Variants in SELENOI observed in about 807,000 individuals in gnomAD.
The protein encoded by SELENOI is ethanolaminephosphotransferase 1.
A neutral mutation model predicts 50.7 loss-of-function variants in SELENOI; 24 were observed. The observed-to-expected ratio is 0.47, with a 90% CI of 0.34 to 0.67. SELENOI has a LOEUF of 0.67. Among genes scored for constraint, SELENOI ranks in the 30% least tolerant of loss-of-function variants. The probability of loss-of-function intolerance (pLI) is 0.01; values close to 1 mark genes in which losing one functional copy is unlikely to be tolerated. For synonymous variants in SELENOI, 155 were observed against 170.2 expected, an observed-to-expected ratio of 0.91 and a Z score of 0.70; for missense variants, 352 against 461.4, an observed-to-expected ratio of 0.76 and a Z score of 2.17.
At chr2:26,362,492 G>A (rs1034781241) in intron 1 of SELENOI, among the ~76,000 whole-genome samples, 1 of 152,136 alleles carries the variant, frequency 6.6e-6, no homozygotes, top group Non-Finnish European at 1.5e-5. Flanking sequence ...CAGGTCTGGT[G>A]GCTCACGCCT....
At chr2:26,377,631 C>CA (rs113537544) in intron 6 of SELENOI, among the ~76,000 whole-genome samples, 157 of 142,574 alleles carry the variant, frequency 1.1e-3, no homozygotes, top group Middle Eastern at 3.5e-3. Context: ...GACCCTGTCT[C>CA]AAAAAAAAAA....
Position 26,389,479 on chromosome 2 carries a change from T to TG in SELENOI, c.*376_*377insG, listed in dbSNP as rs1338717887. ...ATAACACTCAGAAAACCACAGTGTG[T>TG]TTTCATATTTGGAACTTTGTAATAG... On this transcript the variant is annotated 3_prime_UTR_variant, in exon 10 of 10. Coordinates refer to ENST00000260585, the MANE Select transcript of SELENOI (RefSeq NM_033505.4). 1 of 162,824 alleles carries TG rather than the reference T, an allele frequency of 6.1e-6. No homozygotes were observed. The highest frequency in any genetic ancestry group is 1.3e-5 in the Non-Finnish European group (1 of 74,246). 10.1% of individuals were successfully genotyped at this position (162,824 alleles called of 1,614,324 possible).
At chr2:26,380,115 TAC>T (rs1677653903) in intron 6 of SELENOI, among the ~76,000 whole-genome samples, 1 of 152,248 alleles carries the variant, frequency 6.6e-6, no homozygotes, top group Admixed American at 6.5e-5. Context: ...CTTTAAGAAT[TAC>T]TTTCTCTTTT....
intron 6 of SELENOI, 102 bp from the exon 7 acceptor site, chr2:26,383,197 C>G (rs565109740): frequency 1.5e-6 from 1 of 689,174 alleles, no homozygotes; most frequent in South Asian, 2.1e-5. Flanking sequence ...AAACTTGAAC[C>G]TGAAATTTTT....
intron 1 of SELENOI, among the ~76,000 whole-genome samples, chr2:26,362,498 C>T (rs890626940): frequency 1.2e-4 from 19 of 152,018 alleles, no homozygotes; most frequent in African/African-American, 3.9e-4. Context: ...TGGTGGCTCA[C>T]GCCTGTAATC....
chr2:26,357,883 A>G (rs11884137), intron 1 of SELENOI, among the ~76,000 whole-genome samples: 145,614 of 152,208 alleles, frequency 0.96, 69,688 homozygotes, highest in South Asian at 0.99. Flanking sequence ...GGAGGGACCC[A>G]TTCGGAGAAA....
At chr2:26,387,912 C>A (rs143528950) in intron 9 of SELENOI, among the ~76,000 whole-genome samples, 3,221 of 152,180 alleles carry the variant, frequency 0.021, 43 homozygotes, top group South Asian at 0.049. Flanking sequence ...AAAATATCTT[C>A]TGTATTTTCA....
chr2:26,352,859 A>C (rs76296790), intron 1 of SELENOI, among the ~76,000 whole-genome samples: 9 of 151,270 alleles, frequency 5.9e-5, no homozygotes, highest in South Asian at 2.1e-4. Flanking sequence ...AAAAAAAAAA[A>C]CCAGAATATT....
intron 3 of SELENOI, 55 bp downstream of exon 3, chr2:26,364,995 G>A (rs1677258271): frequency 6.3e-6 from 8 of 1,273,296 alleles, no homozygotes; most frequent in Non-Finnish European, 6.5e-6. Context: ...ATGAAATGTG[G>A]ATGCTTATTT....
In SELENOI at chr2:26,395,148, TA is replaced by T. The variant is rs1678062298; in HGVS notation, c.*6047del. The T allele has an allele frequency of 6.6e-6, 1 of 152,250 alleles. No homozygotes were observed. Among genetic ancestry groups the T allele is most frequent in the Admixed American group, 6.5e-5 (1 of 15,292 alleles). The allele number at this position is 152,250 out of a possible 1,614,324, so 9.4% of individuals were successfully genotyped here. ...TGTGTGATGTGTGTGTATGCCTATT[TA>T]ATATGTACACATATATTCACTACAT... On this transcript the variant is annotated 3_prime_UTR_variant, in exon 10 of 10. Coordinates refer to ENST00000260585, the MANE Select transcript of SELENOI (RefSeq NM_033505.4).
intron 6 of SELENOI, among the ~76,000 whole-genome samples, chr2:26,376,651 C>T (rs992289143): frequency 6.6e-6 from 1 of 152,182 alleles, no homozygotes; most frequent in African/African-American, 2.4e-5. Context: ...TTATAATATA[C>T]AGTTTATTTA....
At chr2:26,384,666 T>C (rs1320492058) in intron 7 of SELENOI, among the ~76,000 whole-genome samples, 1 of 152,166 alleles carries the variant, frequency 6.6e-6, no homozygotes, top group Non-Finnish European at 1.5e-5. Flanking sequence ...TTTATATTCT[T>C]AGCACAGCAG....
chr2:26,355,531 G>A (rs1677046064), intron 1 of SELENOI, among the ~76,000 whole-genome samples: 2 of 152,122 alleles, frequency 1.3e-5, no homozygotes, highest in African/African-American at 2.4e-5. Flanking sequence ...TTCTCATCTT[G>A]TTAGAGCTTA....
intron 4 of SELENOI, among the ~76,000 whole-genome samples, chr2:26,368,916 G>A (rs1424214050): frequency 6.6e-6 from 1 of 152,120 alleles, no homozygotes; most frequent in African/African-American, 2.4e-5. Context: ...ATTTGGATAG[G>A]GAGTTTGGGA....
At chr2:26,380,510 G>A (rs1033038943) in intron 6 of SELENOI, among the ~76,000 whole-genome samples, 20 of 152,170 alleles carry the variant, frequency 1.3e-4, no homozygotes, top group African/African-American at 4.6e-4. Flanking sequence ...ATGTACCGTA[G>A]TGTGTCCAAC....
chr2:26,384,247 ATCT>A (rs1235617659), intron 7 of SELENOI, among the ~76,000 whole-genome samples: 4 of 152,312 alleles, frequency 2.6e-5, no homozygotes, highest in African/African-American at 9.6e-5. Context: ...AGCGCTATTA[ATCT>A]TCTTCATTTA....
intron 4 of SELENOI, among the ~76,000 whole-genome samples, chr2:26,370,963 T>A (rs1677420621): frequency 8.0e-6 from 1 of 125,714 alleles, no homozygotes; most frequent in Non-Finnish European, 1.7e-5. Flanking sequence ...ATGGGGCGGC[T>A]GGCCGGGCGG....
intron 3 of SELENOI, among the ~76,000 whole-genome samples, chr2:26,366,329 T>C (rs1307034241): frequency 1.3e-5 from 2 of 152,122 alleles, no homozygotes; most frequent in African/African-American, 4.8e-5. Flanking sequence ...ATTTATTTAT[T>C]TATTTATTTT....
At chr2:26,372,706 A>G (rs143543307) in intron 4 of SELENOI, among the ~76,000 whole-genome samples, 1,587 of 152,332 alleles carry the variant, frequency 0.01, 16 homozygotes, top group Non-Finnish European at 0.019. Context: ...GTTCGCTGGA[A>G]GCTTGAGAAT....
Sources: gnomAD v4.1 joint callset for allele counts (sites outside exome capture counted in the v4.1 genomes callset) on GRCh38, gnomAD v4.1.1 for gene constraint, MANE v1.5 for transcripts, NCBI Gene and HGNC (gene_info 2026-07-23, HGNC 2026-07-21) for gene names.